Variants in COL19A1 observed in about 807,000 individuals in gnomAD.
COL19A1 encodes collagen type XIX alpha 1 chain.
COL19A1 carries 159 observed loss-of-function variants against 190.2 expected under a neutral mutation model. The observed-to-expected ratio is 0.84, with a 90% CI of 0.73 to 0.95. The LOEUF is 0.95. Among genes scored for constraint, COL19A1 ranks in the 40% least tolerant of loss-of-function variants. The probability of loss-of-function intolerance (pLI) is 0.00; values close to 1 mark genes in which losing one functional copy is unlikely to be tolerated. For synonymous variants in COL19A1, 509 were observed against 458.9 expected, an observed-to-expected ratio of 1.11 and a Z score of -1.39; for missense variants, 1,418 against 1,431.9, an observed-to-expected ratio of 0.99 and a Z score of 0.16.
Position 69,876,361 on chromosome 6 carries a change from G to A in COL19A1, c.-32-3175G>A, listed in dbSNP as rs549803051. On this transcript the variant is annotated intron_variant, in intron 1 of 50. Coordinates refer to ENST00000620364, the MANE Select transcript of COL19A1 (RefSeq NM_001858.6). ...TTGTTTTAACAGGGACCAAAGCTTC[G>A]GTGAACATAAATTTCTAGGCTGCTT... Among the ~76,000 whole-genome samples, 404 of 152,198 alleles carry A rather than the reference G, an allele frequency of 2.7e-3. 4 individuals carry two copies. Among genetic ancestry groups the A allele is most frequent in the Non-Finnish European group, 2.3e-3 (157 of 67,996 alleles).
At chr6:69,874,713 T>C (rs1768035580) in intron 1 of COL19A1, among the ~76,000 whole-genome samples, 1 of 151,590 alleles carries the variant, frequency 6.6e-6, no homozygotes. Flanking sequence ...ATCGCACCAC[T>C]GCACTCCAGC....
At chr6:69,903,456 A>C (rs986129527) in intron 4 of COL19A1, among the ~76,000 whole-genome samples, 6 of 152,148 alleles carry the variant, frequency 3.9e-5, no homozygotes, top group African/African-American at 1.4e-4. Context: ...TTCCCTATCC[A>C]GGGGGTTGTT....
chr6:70,174,212 C>T (rs1765667328), intron 41 of COL19A1, among the ~76,000 whole-genome samples: 1 of 152,202 alleles, frequency 6.6e-6, no homozygotes, highest in African/African-American at 2.4e-5. Flanking sequence ...GTGATGACTG[C>T]TCAGCCCTAG....
At chr6:69,965,802 T>C (rs1161099012) in intron 11 of COL19A1, among the ~76,000 whole-genome samples, 1 of 152,146 alleles carries the variant, frequency 6.6e-6, no homozygotes, top group Non-Finnish European at 1.5e-5. Flanking sequence ...TCACCATCCC[T>C]AGCTGGCAAA....
intron 11 of COL19A1, among the ~76,000 whole-genome samples, chr6:70,002,797 G>A (rs1290232060): frequency 1.4e-5 from 2 of 139,504 alleles, no homozygotes; most frequent in Non-Finnish European, 3.1e-5. Flanking sequence ...TATCCATGTT[G>A]TTGTTGGTTT....
chr6:70,149,971 C>A (rs778930503), intron 29 of COL19A1, 21 bp from the exon 30 acceptor site: 1 of 1,613,758 alleles, frequency 6.2e-7, no homozygotes, highest in Non-Finnish European at 8.5e-7. Flanking sequence ...AAAGATTGAA[C>A]ATGGATACCT....
At chr6:70,049,388 T>C (rs1780075937) in intron 14 of COL19A1, among the ~76,000 whole-genome samples, 1 of 151,966 alleles carries the variant, frequency 6.6e-6, no homozygotes, top group African/African-American at 2.4e-5. Context: ...TACAAAGCTA[T>C]TTTTATCTAT....
At chr6:70,030,244 A>C (rs963172796) in intron 12 of COL19A1, among the ~76,000 whole-genome samples, 1 of 152,186 alleles carries the variant, frequency 6.6e-6, no homozygotes, top group African/African-American at 2.4e-5. Flanking sequence ...CTGCCAATAC[A>C]TTGCTTCCCT....
intron 1 of COL19A1, among the ~76,000 whole-genome samples, chr6:69,878,924 T>C (rs546159882): frequency 6.6e-6 from 1 of 152,324 alleles, no homozygotes; most frequent in Non-Finnish European, 1.5e-5. Context: ...TTAGGACATA[T>C]GTTAAGTGAA....
At chr6:69,966,068 GATTTCATCAAACTCTTGTTATGTA>G (rs1013605865) in intron 11 of COL19A1, among the ~76,000 whole-genome samples, 2 of 152,178 alleles carry the variant, frequency 1.3e-5, no homozygotes, top group Non-Finnish European at 2.9e-5. Flanking sequence ...TCCCAGCAAT[GATTTCATCAAACTCTTGTTATGTA>G]ACCAAATGTA....
At chr6:69,917,593 G>A (rs1336107107) in intron 4 of COL19A1, among the ~76,000 whole-genome samples, 1 of 152,132 alleles carries the variant, frequency 6.6e-6, no homozygotes, top group Non-Finnish European at 1.5e-5. Flanking sequence ...AGTCAGGTAG[G>A]CACAAACCTA....
At chr6:69,913,770 G>A (rs899245101) in intron 4 of COL19A1, among the ~76,000 whole-genome samples, 3 of 152,106 alleles carry the variant, frequency 2.0e-5, no homozygotes, top group Admixed American at 1.3e-4. Context: ...AAGTGGAGGT[G>A]TAGTAGCAAT....
chr6:70,165,550 G>T (rs1041362082), intron 36 of COL19A1, among the ~76,000 whole-genome samples: 1 of 152,122 alleles, frequency 6.6e-6, no homozygotes, highest in African/African-American at 2.4e-5. Context: ...TAGAAATGAG[G>T]CTCAAAGTGA....
chr6:70,197,435 A>G (rs539461149), intron 48 of COL19A1, among the ~76,000 whole-genome samples: 301 of 152,202 alleles, frequency 2.0e-3, no homozygotes, highest in African/African-American at 6.5e-3. Flanking sequence ...AAAAGAAAAA[A>G]GAAAGAAAAA....
chr6:70,021,833 G>C (rs1582702244), intron 11 of COL19A1, among the ~76,000 whole-genome samples: 1 of 152,166 alleles, frequency 6.6e-6, no homozygotes, highest in Non-Finnish European at 1.5e-5. Context: ...CATGTGGCTA[G>C]TGGCTGCTGT....
chr6:70,028,425 A>G (rs980647264), intron 12 of COL19A1, among the ~76,000 whole-genome samples: 1 of 152,178 alleles, frequency 6.6e-6, no homozygotes, highest in African/African-American at 2.4e-5. Context: ...ATAATCTCTC[A>G]GAGCTGCCCT....
chr6:70,102,123 A>G, intron 15 of COL19A1, 46 bp from the exon 16 acceptor site: 1 of 1,405,336 alleles, frequency 7.1e-7, no homozygotes, highest in Non-Finnish European at 1.0e-6. Flanking sequence ...ATATTAAAAT[A>G]TAATGGAGTC....
chr6:69,936,417 T>G (rs1346159017), intron 7 of COL19A1, among the ~76,000 whole-genome samples: 8 of 152,200 alleles, frequency 5.3e-5, no homozygotes, highest in African/African-American at 1.9e-4. Context: ...TCAACTTTAA[T>G]TTTTGTTCCC....
In COL19A1 at chr6:70,144,349, A is replaced by G. The variant is rs538908091; in HGVS notation, c.1680+86A>G. Reference sequence around the variant, plus strand: ...CATAAGGGAGATGAAAGGACAGCCCAGGGCTTCTGGGATTGTACAGATTGT... The same window carrying G: ...CATAAGGGAGATGAAAGGACAGCCCGGGGCTTCTGGGATTGTACAGATTGT... On this transcript the variant is annotated intron_variant, in intron 24 of 50. Transcript: ENST00000620364. 186 of 1,193,720 alleles carry G rather than the reference A, an allele frequency of 1.6e-4. 3 individuals are homozygous for G. In the South Asian group the frequency reaches 2.3e-3, roughly 15 times the overall value. The allele number at this position is 1,193,720 out of a possible 1,614,324, so 73.9% of individuals were successfully genotyped here. A position where few individuals can be genotyped will look rare whatever the true frequency, so the allele number is the denominator to read the frequency against.
Sources: gnomAD v4.1 joint callset for allele counts (sites outside exome capture counted in the v4.1 genomes callset) on GRCh38, gnomAD v4.1.1 for gene constraint, MANE v1.5 for transcripts, NCBI Gene and HGNC (gene_info 2026-07-23, HGNC 2026-07-21) for gene names.